Variants in KIZ observed in about 807,000 individuals in gnomAD.
KIZ encodes the protein kizuna centrosomal protein, also known as centrosomal protein kizuna.
A neutral mutation model predicts 79.6 loss-of-function variants in KIZ; 68 were observed. That is an observed-to-expected ratio of 0.85 (90% CI 0.70 to 1.05). The LOEUF (loss-of-function observed/expected upper bound fraction) is 1.05, where lower values mean the gene tolerates loss of function less well. KIZ is among the 50% of genes least tolerant of loss of function. The pLI is 0.00. For synonymous variants in KIZ, 280 were observed against 281.8 expected, an observed-to-expected ratio of 0.99 and a Z score of 0.06; for missense variants, 797 against 800.4, an observed-to-expected ratio of 1.00 and a Z score of 0.05.
intron 6 of KIZ, among the ~76,000 whole-genome samples, chr20:21,173,420 A>G (rs1218535519): frequency 6.6e-6 from 1 of 152,020 alleles, no homozygotes; most frequent in African/African-American, 2.4e-5. Context: ...TCTACTAAAA[A>G]TATAAAAATT....
intron 2 of KIZ, among the ~76,000 whole-genome samples, chr20:21,133,851 AG>A (rs1429363747): frequency 3.1e-4 from 47 of 152,222 alleles, no homozygotes; most frequent in Admixed American, 3.1e-3. Flanking sequence ...GAGCCTTCAG[AG>A]GAGCAGTGTA....
intron 6 of KIZ, among the ~76,000 whole-genome samples, chr20:21,204,112 T>G (rs921435627): frequency 3.1e-4 from 40 of 130,292 alleles, no homozygotes; most frequent in Non-Finnish European, 4.6e-4. Flanking sequence ...TATGTTTTTT[T>G]TTTTTTTTTT....
intron 6 of KIZ, among the ~76,000 whole-genome samples, chr20:21,199,634 C>G (rs2035505950): frequency 6.6e-6 from 1 of 152,210 alleles, no homozygotes; most frequent in African/African-American, 2.4e-5. Context: ...CCTCCTTGCT[C>G]TAGCTTCCTC....
chr20:21,175,699 T>G (rs2034403612), intron 6 of KIZ, among the ~76,000 whole-genome samples: 1 of 152,166 alleles, frequency 6.6e-6, no homozygotes, highest in Admixed American at 6.5e-5. Context: ...ATGAACCACA[T>G]GTCTCAGACC....
At chr20:21,242,550 A>AG (rs912524169) in intron 11 of KIZ, among the ~76,000 whole-genome samples, 26 of 66,230 alleles carry the variant, frequency 3.9e-4, no homozygotes, top group African/African-American at 1.5e-3. Flanking sequence ...GAAGTATTGC[A>AG]GGGGGGTCGA....
intron 6 of KIZ, 92 bp from the exon 7 acceptor site, chr20:21,205,398 AC>A: frequency 1.8e-6 from 1 of 556,806 alleles, no homozygotes. Flanking sequence ...TTCTGGATAA[AC>A]CATCTTCTAC....
chr20:21,200,714 C>T (rs1226429366), intron 6 of KIZ, among the ~76,000 whole-genome samples: 3 of 152,076 alleles, frequency 2.0e-5, no homozygotes, highest in Admixed American at 6.5e-5. Context: ...GCTTTGTGGC[C>T]CAGTTCCTAG....
At chr20:21,227,155 C>T (rs561943804) in intron 9 of KIZ, among the ~76,000 whole-genome samples, 1 of 152,310 alleles carries the variant, frequency 6.6e-6, no homozygotes, top group South Asian at 2.1e-4. Flanking sequence ...CAGCCCTTCT[C>T]CTGTTTGGGC....
Position 21,246,503 on chromosome 20 carries a change from G to A in KIZ, c.1949G>A (p.Ser650Asn). ...SNALWDESDD[S>N]NSEIEAALRP... is the part of the protein sequence containing the mutation. Reference sequence around the variant, plus strand: ...GCCCTCTGGGATGAGTCTGATGACAGTAACTCAGAAATTGAGGCTGCTTTA... The same window carrying A: ...GCCCTCTGGGATGAGTCTGATGACAATAACTCAGAAATTGAGGCTGCTTTA... Residue 650 changes from serine (S) to asparagine (N), a missense_variant, in exon 13 of 13, where the codon AGT (serine) becomes AAT (asparagine). Ser to Asn is a conservative substitution (Grantham distance 46). Transcript: ENST00000619189. 1.9e-6 allele frequency: 3 copies of A among 1,609,430 alleles called. No individual in the cohort carries two copies. Among genetic ancestry groups the A allele is most frequent in the Non-Finnish European group, 2.6e-6 (3 of 1,176,116 alleles).
intron 6 of KIZ, chr20:21,166,091 T>A: frequency 1.5e-6 from 1 of 652,800 alleles, no homozygotes; most frequent in Non-Finnish European, 2.6e-6. Flanking sequence ...CTCAGCCTCC[T>A]GAGTAGCTGG....
intron 6 of KIZ, chr20:21,194,492 A>T (rs1351522363): frequency 6.6e-6 from 1 of 152,250 alleles, no homozygotes; most frequent in African/African-American, 2.4e-5. Context: ...TGAGCAAAAG[A>T]ACTGATGAAT....
intron 6 of KIZ, chr20:21,197,917 A>ACTC (rs1222287176): frequency 6.6e-6 from 1 of 151,788 alleles, no homozygotes; most frequent in Non-Finnish European, 1.5e-5. Flanking sequence ...AGCTCCCAGG[A>ACTC]CTCCTACCTG....
At chr20:21,167,725 C>G (rs1268559531) in intron 6 of KIZ, among the ~76,000 whole-genome samples, 1 of 151,912 alleles carries the variant, frequency 6.6e-6, no homozygotes, top group Non-Finnish European at 1.5e-5. Flanking sequence ...GCACATCCAA[C>G]TAATTTTGTA....
intron 3 of KIZ, among the ~76,000 whole-genome samples, chr20:21,137,019 C>T (rs116854309): frequency 9.9e-4 from 150 of 152,268 alleles, no homozygotes; most frequent in African/African-American, 1.8e-3. Context: ...GTACCTGGCA[C>T]GGTGTAACAC....
In KIZ at chr20:21,186,082, T is replaced by C. The variant is rs561422624; in HGVS notation, c.1353-19409T>C. ...GATTCTTAAATCATGGACGTATGTG[T>C]TAATGGTTTGATTTTTATATTGTGT... On this transcript the variant is annotated intron_variant, in intron 6 of 12. Coordinates refer to ENST00000619189, the MANE Select transcript of KIZ (RefSeq NM_018474.6). 5.3e-5 allele frequency among the ~76,000 whole-genome samples: 8 copies of C among 152,236 alleles called. No homozygotes were observed. The East Asian group carries it at 1.5e-3, about 29-fold the overall frequency.
chr20:21,194,593 A>C (rs560540474), intron 6 of KIZ: 18 of 152,320 alleles, frequency 1.2e-4, no homozygotes, highest in African/African-American at 4.1e-4. Context: ...GAAAGTTCTG[A>C]GTTAGAGTAG....
At chr20:21,132,312 G>A (rs531301655) in intron 2 of KIZ, among the ~76,000 whole-genome samples, 153 bp downstream of exon 2, 89 of 152,166 alleles carry the variant, frequency 5.8e-4, no homozygotes, top group African/African-American at 1.9e-3. Context: ...TTGCTCTTTC[G>A]CTCAGGCTGG....
chr20:21,126,022 G>A, upstream of KIZ: 1 of 1,351,836 alleles, frequency 7.4e-7, no homozygotes, highest in Non-Finnish European at 9.5e-7. Flanking sequence ...CCGGCGCGGT[G>A]TTTACCCGCG....
intron 1 of KIZ, among the ~76,000 whole-genome samples, chr20:21,130,112 T>C (rs545204032): frequency 1.2e-4 from 19 of 152,280 alleles, no homozygotes; most frequent in South Asian, 6.2e-4. Context: ...CCCTTTTTTT[T>C]CCCCCTGGTC....
Sources: gnomAD v4.1 joint callset for allele counts (sites outside exome capture counted in the v4.1 genomes callset) on GRCh38, gnomAD v4.1.1 for gene constraint, MANE v1.5 for transcripts, NCBI Gene and HGNC (gene_info 2026-07-23, HGNC 2026-07-21) for gene names.